The following PDZRN4 variants were observed in gnomAD, a reference collection of about 807,000 sequenced individuals.
The protein encoded by PDZRN4 is PDZ domain containing ring finger 4.
PDZRN4 carries 70 observed loss-of-function variants against 99.0 expected under a neutral mutation model. The observed-to-expected ratio is 0.71, with a 90% confidence interval of 0.58 to 0.86. The LOEUF is 0.86. PDZRN4 is among the 40% of genes least tolerant of loss of function. The pLI is 0.00. For synonymous variants in PDZRN4, 551 were observed against 501.6 expected, an observed-to-expected ratio of 1.10 and a Z score of -1.32; for missense variants, 1,474 against 1,331.2, an observed-to-expected ratio of 1.11 and a Z score of -1.67.
chr12:41,296,892 A>C (rs1038813413), intron 3 of PDZRN4, among the ~76,000 whole-genome samples: 1 of 152,132 alleles, frequency 6.6e-6, no homozygotes, highest in Non-Finnish European at 1.5e-5. Context: ...CAGGAGGTTG[A>C]CACTGCAGTG....
At chr12:41,331,586 G>A (rs1199754184) in intron 3 of PDZRN4, among the ~76,000 whole-genome samples, 2 of 152,062 alleles carry the variant, frequency 1.3e-5, no homozygotes, top group Non-Finnish European at 2.9e-5. Context: ...GGCATTCAGC[G>A]ATTTCTATTT....
Position 41,540,863 on chromosome 12 carries a change from CGTT to C in PDZRN4, c.1204-11766_1204-11764del, listed in dbSNP as rs747322893. Among the ~76,000 whole-genome samples, 243 of 115,832 alleles carry C rather than the reference CGTT, an allele frequency of 2.1e-3. 1 individual carries two copies. The highest frequency in any genetic ancestry group is 0.014 in the Middle Eastern group (3 of 218). The allele number at this position is 115,832 out of a possible 152,430, so 76.0% of individuals were successfully genotyped here. A position where few individuals can be genotyped will look rare whatever the true frequency, so the allele number is the denominator to read the frequency against. On this transcript the variant is annotated intron_variant, in intron 5 of 9. Transcript: ENST00000402685. ...CTACAGCCCCAAGGCCCCTTTTCTT[CGTT>C]GTTGTTGTTGTTGTTGTTGTTGTTG...
intron 3 of PDZRN4, among the ~76,000 whole-genome samples, chr12:41,300,593 A>G (rs372608097): frequency 1.3e-5 from 2 of 151,902 alleles, no homozygotes; most frequent in African/African-American, 4.8e-5. Context: ...TTCTTTGAGA[A>G]ATGACCTCTA....
intron 3 of PDZRN4, among the ~76,000 whole-genome samples, chr12:41,484,145 T>C (rs1220179049): frequency 2.0e-5 from 3 of 152,178 alleles, no homozygotes; most frequent in African/African-American, 7.2e-5. Context: ...AGAGAACTTA[T>C]TAGTGTCCTA....
chr12:41,424,776 T>C (rs906118482), intron 3 of PDZRN4, among the ~76,000 whole-genome samples: 2 of 152,214 alleles, frequency 1.3e-5, no homozygotes, highest in Non-Finnish European at 1.5e-5. Flanking sequence ...CAGGGATCTA[T>C]TTCCACTATG....
intron 3 of PDZRN4, among the ~76,000 whole-genome samples, chr12:41,265,203 G>T (rs1395058850): frequency 6.6e-6 from 1 of 152,114 alleles, no homozygotes; most frequent in Non-Finnish European, 1.5e-5. Flanking sequence ...ACATGTATAA[G>T]TGAAGAAATC....
chr12:41,368,203 T>C (rs1008648966), intron 3 of PDZRN4, among the ~76,000 whole-genome samples: 1 of 152,012 alleles, frequency 6.6e-6, no homozygotes, highest in East Asian at 1.9e-4. Context: ...CTGTTGAAAA[T>C]AGGACCTGCA....
At position 41,573,317 on chromosome 12, in the gene PDZRN4, C is replaced by G. The variant is rs745932193; in HGVS notation, c.2538C>G (p.His846Gln). 1.2e-6 allele frequency: 2 copies of G among 1,613,130 alleles called. No individual in the cohort carries two copies. The highest frequency in any genetic ancestry group is 1.7e-6 in the Non-Finnish European group (2 of 1,180,028). Reference protein sequence around the residue: ...SSYRYANIPAHARHYQSYMQL... With the variant: ...SSYRYANIPAQARHYQSYMQL... ...ATAGATATGCAAACATCCCAGCACA[C>G]GCCCGGCATTATCAAAGCTACATGC... Residue 846 changes from histidine (H) to glutamine (Q), a missense_variant, in exon 10 of 10, where the codon CAC becomes CAG. Physicochemically the swap from His to Gln is conservative, Grantham distance 24. Transcript: ENST00000402685.
chr12:41,315,047 C>A (rs1055204429), intron 3 of PDZRN4, among the ~76,000 whole-genome samples: 11 of 152,064 alleles, frequency 7.2e-5, no homozygotes, highest in African/African-American at 2.7e-4. Flanking sequence ...TAAGCCAAAA[C>A]CATATTCCTA....
chr12:41,194,195 C>T lies in PDZRN4; in HGVS notation c.843+7C>T. On this transcript the variant is annotated splice_region_variant and intron_variant, in intron 3 of 9. Transcript: ENST00000402685. ...TCATGACAAAATCATGGAGGTAAGA[C>T]AATGATAAAACATGTATATGATCCA... 8.0e-7 allele frequency: 1 copy of T among 1,251,128 alleles called. No individual in the cohort carries two copies. Among genetic ancestry groups the T allele is most frequent in the Non-Finnish European group, 1.2e-6 (1 of 863,076 alleles). 77.5% of individuals were successfully genotyped at this position (1,251,128 alleles called of 1,614,324 possible).
chr12:41,307,278 A>G (rs1003121300), intron 3 of PDZRN4, among the ~76,000 whole-genome samples: 1 of 151,724 alleles, frequency 6.6e-6, no homozygotes, highest in African/African-American at 2.4e-5. Context: ...GGGTGACAGC[A>G]TGGTTGAGTT....
intron 3 of PDZRN4, among the ~76,000 whole-genome samples, chr12:41,320,383 A>C (rs1007171718): frequency 6.6e-6 from 1 of 152,246 alleles, no homozygotes; most frequent in African/African-American, 2.4e-5. Context: ...CATTTTGTCT[A>C]TCAATAAATG....
chr12:41,458,470 A>G (rs1952837331), intron 3 of PDZRN4, among the ~76,000 whole-genome samples: 1 of 152,154 alleles, frequency 6.6e-6, no homozygotes. Context: ...AGTGACTTTT[A>G]TAGGTAGTTA....
At chr12:41,292,687 A>G (rs1951464106) in intron 3 of PDZRN4, among the ~76,000 whole-genome samples, 1 of 147,592 alleles carries the variant, frequency 6.8e-6, no homozygotes, top group South Asian at 2.1e-4. Flanking sequence ...CTTTAAAATG[A>G]CATTCTAAGT....
rs528842886 is a variant in PDZRN4 at position 41,386,029 on chromosome 12, G to T, written c.844-120427G>T. ...ATTCAACATACACAAATCAGTAAAT[G>T]TGATTCCTCACATAAACAGAACTAA... On this transcript the variant is annotated intron_variant, in intron 3 of 9. Coordinates refer to ENST00000402685, the MANE Select transcript of PDZRN4 (RefSeq NM_001164595.2). Among the ~76,000 whole-genome samples, 105 of 152,270 alleles carry T rather than the reference G, an allele frequency of 6.9e-4. 3 individuals are homozygous for T. The highest frequency in any genetic ancestry group is 2.0e-3 in the African/African-American group (83 of 41,556).
At chr12:41,242,052 G>T (rs1951104919) in intron 3 of PDZRN4, among the ~76,000 whole-genome samples, 1 of 152,130 alleles carries the variant, frequency 6.6e-6, no homozygotes, top group Non-Finnish European at 1.5e-5. Flanking sequence ...CATGTTGTTG[G>T]CAGGAGGCAG....
At chr12:41,191,430 T>C (rs767038659) in intron 1 of PDZRN4, 28 bp from the exon 2 acceptor site, 8 of 1,095,050 alleles carry the variant, frequency 7.3e-6, no homozygotes, top group Middle Eastern at 2.0e-4. Flanking sequence ...TTTTACCTGG[T>C]TAAGTCATTT....
chr12:41,436,387 A>G (rs1952629585), intron 3 of PDZRN4, among the ~76,000 whole-genome samples: 1 of 152,220 alleles, frequency 6.6e-6, no homozygotes, highest in South Asian at 2.1e-4. Context: ...AGTGCTCATT[A>G]GAATCATTTC....
At chr12:41,546,732 G>T (rs1222406084) in intron 5 of PDZRN4, among the ~76,000 whole-genome samples, 1 of 152,220 alleles carries the variant, frequency 6.6e-6, no homozygotes, top group Non-Finnish European at 1.5e-5. Context: ...ATTATTGACA[G>T]TGAGAAGGGG....
Sources: allele counts gnomAD v4.1 joint callset (sites outside exome capture counted in the v4.1 genomes callset), GRCh38; gene constraint gnomAD v4.1.1; transcripts MANE v1.5; gene names NCBI Gene and HGNC (gene_info 2026-07-23, HGNC 2026-07-21).